CFAP54: variants seen among roughly 807,000 people sequenced by gnomAD.
CFAP54 encodes the protein cilia and flagella associated protein 54.
Under a neutral mutation model 370.4 loss-of-function variants are expected in CFAP54, and 290 were observed. The ratio of observed to expected loss-of-function variants is 0.78; its 90% CI spans 0.71 to 0.86. The LOEUF (loss-of-function observed/expected upper bound fraction) is 0.86, where lower values mean the gene tolerates loss of function less well. Ranked by LOEUF, CFAP54 falls within the 40% of genes least tolerant of loss-of-function variation. The pLI is 0.00. For missense variants in CFAP54, 3,399 were observed against 3,528.7 expected (o/e 0.96, Z 0.93); for synonymous variants, 1,206 against 1,236.5 (o/e 0.98, Z 0.52).
rs1184130191 is a variant in CFAP54, at chr12:96,554,237, GT to G, written c.2211del (p.Gly738GlufsTer2). On this transcript the variant is annotated frameshift_variant, in exon 16 of 68. Coordinates refer to ENST00000524981, the MANE Select transcript of CFAP54 (RefSeq NM_001306084.2). LOFTEE classifies it high-confidence loss of function. ...TATAAACTTCTTGACAGAGCAATCG[GT>G]GGAATAAATTTGAATTGCATGTTAA... Reference protein sequence around the residue: ...FAYKLLDRAIGGINLNCMLTS... With the variant: ...FAYKLLDRAIXGINLNCMLTS... 6.5e-7 allele frequency: 1 copy of G among 1,527,564 alleles called. No homozygotes were observed. The highest frequency in any genetic ancestry group is 1.4e-5 in the African/African-American group (1 of 72,644). 94.6% of individuals were successfully genotyped at this position (1,527,564 alleles called of 1,614,324 possible). A position where few individuals can be genotyped will look rare whatever the true frequency, so the allele number is the denominator to read the frequency against.
At chr12:96,503,427 C>T (rs921053625) in intron 2 of CFAP54, among the ~76,000 whole-genome samples, 8 of 140,574 alleles carry the variant, frequency 5.7e-5, no homozygotes, top group African/African-American at 1.6e-4. Flanking sequence ...CTCCCTCCCT[C>T]CCTTCCTTCT....
chr12:96,743,041 A>G (rs2136642945), intron 52 of CFAP54, among the ~76,000 whole-genome samples: 1 of 152,304 alleles, frequency 6.6e-6, no homozygotes, highest in South Asian at 2.1e-4. Context: ...TCAGAATTAA[A>G]TGGGTTAAAT....
At chr12:96,555,775 T>C (rs1173362788) in intron 17 of CFAP54, among the ~76,000 whole-genome samples, 1 of 151,876 alleles carries the variant, frequency 6.6e-6, no homozygotes, top group Non-Finnish European at 1.5e-5. Flanking sequence ...ATTGTGTTTA[T>C]TGATAAGAAG....
chr12:96,651,903 T>A, intron 36 of CFAP54, 88 bp downstream of exon 36: 1 of 847,740 alleles, frequency 1.2e-6, no homozygotes, highest in Non-Finnish European at 1.8e-6. Context: ...TGTTTTTTTT[T>A]TTATTTCTCA....
intron 32 of CFAP54, among the ~76,000 whole-genome samples, chr12:96,635,655 A>G (rs1397898337): frequency 6.6e-6 from 1 of 152,232 alleles, no homozygotes; most frequent in Admixed American, 6.5e-5. Flanking sequence ...TTCAGAGGCC[A>G]CTCACAAATG....
At chr12:96,539,228 T>G (rs1318273319) in intron 13 of CFAP54, among the ~76,000 whole-genome samples, 3 of 151,490 alleles carry the variant, frequency 2.0e-5, no homozygotes, top group Non-Finnish European at 4.4e-5. Context: ...GGCCGGCTAA[T>G]TTTTGTATTT....
chr12:96,691,031 A>T, intron 43 of CFAP54, 97 bp from the exon 44 acceptor site: 1 of 1,025,388 alleles, frequency 9.8e-7, no homozygotes, highest in Non-Finnish European at 1.5e-6. Flanking sequence ...GGCATATACT[A>T]AGCATTTTAT....
intron 63 of CFAP54, among the ~76,000 whole-genome samples, chr12:96,803,469 C>A (rs1958844531): frequency 6.6e-6 from 1 of 151,926 alleles, no homozygotes. Context: ...CCTGTGAAAC[C>A]TGCTCTGAGG....
chr12:96,678,913 G>A (rs913981434), intron 39 of CFAP54, among the ~76,000 whole-genome samples: 1 of 152,128 alleles, frequency 6.6e-6, no homozygotes, highest in Non-Finnish European at 1.5e-5. Flanking sequence ...TGTTCAACTT[G>A]TTGAAGAAAT....
In CFAP54 at chr12:96,658,283, G is replaced by A; in HGVS notation, c.5397G>A (p.Lys1799=). Residue 1799 remains lysine (K), a synonymous_variant, in exon 38 of 68, where the codon AAG becomes AAA. Transcript: ENST00000524981. ...GCCAGCTTCTGCTGAGAATACAGAA[G>A]TTCAAGGGCCCAGATATTACCCAAC... is the stretch of plus-strand genomic sequence containing the variant. ...AQRQLLLRIQ[K]FKGPDITQQP... is the part of the protein sequence containing the mutation. 3.1e-6 allele frequency: 5 copies of A among 1,614,142 alleles called. No homozygotes were observed. The highest frequency in any genetic ancestry group is 4.2e-6 in the Non-Finnish European group (5 of 1,180,012).
chr12:96,706,576 A>G (rs1592717959), intron 47 of CFAP54, among the ~76,000 whole-genome samples: 1 of 152,166 alleles, frequency 6.6e-6, no homozygotes, highest in East Asian at 1.9e-4. Flanking sequence ...TTGTAGGGCC[A>G]TTGTAACTAG....
Position 96,829,025 on chromosome 12 carries a change from T to C in CFAP54, c.9108T>C (p.Ile3036=). The change falls in exon 66 of 68, where the codon ATT becomes ATC. Residue 3036 remains isoleucine (I), a synonymous_variant. Coordinates refer to ENST00000524981, the MANE Select transcript of CFAP54 (RefSeq NM_001306084.2). ...SVDNEMEDMI[I]QCCSEIASLF... ...CTTCTTATTTCTAGGACATGATTAT[T>C]CAATGTTGCTCTGAAATAGCATCTC... is the stretch of plus-strand genomic sequence containing the variant. 1.3e-6 allele frequency: 2 copies of C among 1,508,628 alleles called. No individual in the cohort carries two copies. The highest frequency in any genetic ancestry group is 1.8e-6 in the Non-Finnish European group (2 of 1,123,908). 93.5% of individuals were successfully genotyped at this position (1,508,628 alleles called of 1,614,324 possible).
intron 19 of CFAP54, among the ~76,000 whole-genome samples, chr12:96,566,223 T>A (rs1420737449): frequency 6.6e-6 from 1 of 152,128 alleles, no homozygotes. Context: ...TCGGATGCAG[T>A]GGGAGGCAAG....
chr12:96,698,655 C>A (rs1445703736), intron 45 of CFAP54, among the ~76,000 whole-genome samples: 3 of 152,038 alleles, frequency 2.0e-5, no homozygotes, highest in African/African-American at 7.2e-5. Flanking sequence ...AAGAAGGGAA[C>A]AATAGACGCC....
intron 48 of CFAP54, among the ~76,000 whole-genome samples, chr12:96,709,699 G>A (rs570627113): frequency 1.1e-5 from 1 of 94,042 alleles, no homozygotes; most frequent in Non-Finnish European, 2.2e-5. Flanking sequence ...ACTTGATCAT[G>A]GTTTATTATT....
At chr12:96,767,806 CA>C (rs558072800) in intron 60 of CFAP54, among the ~76,000 whole-genome samples, 1 of 151,938 alleles carries the variant, frequency 6.6e-6, no homozygotes, top group Non-Finnish European at 1.5e-5. Flanking sequence ...TAGCATCCAG[CA>C]AAAAACCTCC....
At chr12:96,771,631 A>T (rs539859562) in intron 60 of CFAP54, among the ~76,000 whole-genome samples, 4 of 152,208 alleles carry the variant, frequency 2.6e-5, no homozygotes, top group Non-Finnish European at 4.4e-5. Flanking sequence ...CGGCCTGGGC[A>T]AAAGAGCGAG....
chr12:96,673,506 A>G (rs1428135854), intron 39 of CFAP54, among the ~76,000 whole-genome samples: 2 of 152,218 alleles, frequency 1.3e-5, no homozygotes, highest in Non-Finnish European at 2.9e-5. Context: ...AAAGGTTAGC[A>G]TCCAACTTGT....
chr12:96,659,943 C>A (rs1360499408), intron 38 of CFAP54, among the ~76,000 whole-genome samples: 1 of 152,174 alleles, frequency 6.6e-6, no homozygotes, highest in Non-Finnish European at 1.5e-5. Context: ...GAATACAGTT[C>A]TGAGTTCCTG....
Sources: gnomAD v4.1 joint callset for allele counts (sites outside exome capture counted in the v4.1 genomes callset) on GRCh38, gnomAD v4.1.1 for gene constraint, MANE v1.5 for transcripts, NCBI Gene and HGNC (gene_info 2026-07-23, HGNC 2026-07-21) for gene names.